Variants in DNER observed in about 807,000 individuals in gnomAD.
DNER encodes the protein delta and Notch-like epidermal growth factor-related receptor.
A neutral mutation model predicts 78.2 loss-of-function variants in DNER; 33 were observed. The ratio of observed to expected loss-of-function variants is 0.42; its 90% CI spans 0.32 to 0.56. The LOEUF (loss-of-function observed/expected upper bound fraction) is 0.56, where lower values mean the gene tolerates loss of function less well. DNER is among the 20% of genes least tolerant of loss of function. The probability of loss-of-function intolerance (pLI) is 0.11; values close to 1 mark genes in which losing one functional copy is unlikely to be tolerated. For synonymous variants in DNER, 417 were observed against 384.8 expected (o/e 1.08, Z -0.98); for missense variants, 918 against 975.3 (o/e 0.94, Z 0.78).
intron 1 of DNER, among the ~76,000 whole-genome samples, chr2:229,612,387 G>A (rs1259970166): frequency 6.6e-6 from 1 of 152,166 alleles, no homozygotes; most frequent in African/African-American, 2.4e-5. Flanking sequence ...ACTGTTAAAA[G>A]GACAAAACAT....
intron 4 of DNER, among the ~76,000 whole-genome samples, chr2:229,556,206 C>T (rs1277706961): frequency 1.3e-5 from 2 of 152,174 alleles, no homozygotes. Flanking sequence ...TTACTGAACT[C>T]GCGTCCACCA....
chr2:229,664,382 C>A (rs1392252283), intron 1 of DNER, among the ~76,000 whole-genome samples: 1 of 152,148 alleles, frequency 6.6e-6, no homozygotes, highest in Non-Finnish European at 1.5e-5. Context: ...GTGGCTCACA[C>A]CTGTAATCCC....
chr2:229,521,300 G>C (rs1024891531), intron 5 of DNER, among the ~76,000 whole-genome samples: 1 of 152,210 alleles, frequency 6.6e-6, no homozygotes, highest in Admixed American at 6.5e-5. Context: ...GGAAGACAGT[G>C]TGTCCTGGCC....
chr2:229,513,370 C>T (rs1204086945), intron 5 of DNER, among the ~76,000 whole-genome samples: 3 of 152,170 alleles, frequency 2.0e-5, no homozygotes, highest in Admixed American at 2.0e-4. Flanking sequence ...CAACCCAGAC[C>T]GTCCTTTCAG....
chr2:229,647,098 A>G (rs1045480217), intron 1 of DNER, among the ~76,000 whole-genome samples: 2 of 152,056 alleles, frequency 1.3e-5, no homozygotes, highest in African/African-American at 4.8e-5. Flanking sequence ...ACCCAGGAGG[A>G]GGAGGTTGCA....
intron 1 of DNER, among the ~76,000 whole-genome samples, chr2:229,622,113 A>G (rs1574932318): frequency 6.6e-6 from 1 of 152,306 alleles, no homozygotes; most frequent in Non-Finnish European, 1.5e-5. Context: ...AACAAAAAAA[A>G]GAAATTGCAT....
chr2:229,362,299 G>A (rs1444401857), intron 12 of DNER, among the ~76,000 whole-genome samples: 2 of 152,162 alleles, frequency 1.3e-5, no homozygotes, highest in Admixed American at 6.5e-5. Context: ...CAGACACTTA[G>A]GAATAATTTT....
chr2:229,382,855 C>T (rs1166264753), intron 11 of DNER, among the ~76,000 whole-genome samples: 2 of 152,062 alleles, frequency 1.3e-5, no homozygotes, highest in African/African-American at 4.8e-5. Flanking sequence ...GGATATTATC[C>T]GGGAGAACTT....
intron 6 of DNER, among the ~76,000 whole-genome samples, 159 bp from the exon 7 acceptor site, chr2:229,477,412 G>A (rs896344656): frequency 2.6e-5 from 4 of 152,128 alleles, no homozygotes; most frequent in African/African-American, 9.7e-5. Context: ...ACAAACTATG[G>A]TAGTTTAGAA....
At chr2:229,547,128 G>A (rs372481213) in intron 4 of DNER, 36 bp from the exon 5 acceptor site, 4 of 1,611,148 alleles carry the variant, frequency 2.5e-6, no homozygotes, top group Non-Finnish European at 3.4e-6. Context: ...ATTGTCAAGT[G>A]TCTCCTCTTT....
rs184764108 is a variant in DNER at position 229,535,781 on chromosome 2, T to A, written c.993+11166A>T. Among the ~76,000 whole-genome samples the A allele has an allele frequency of 3.8e-3, 582 of 152,224 alleles. 6 individuals carry two copies. The highest frequency in any genetic ancestry group is 0.013 in the African/African-American group (546 of 41,536). ...GCCTCAGCCTCCCTAGTAGCTGGGA[T>A]TACAGGTGTGCACCACCATATCCAG... On this transcript the variant is annotated intron_variant, in intron 5 of 12. Coordinates refer to ENST00000341772, the MANE Select transcript of DNER (RefSeq NM_139072.4).
chr2:229,669,369 C>CATATATATATATATATATATATAT lies in DNER; in HGVS notation c.276+44778_276+44779insATATATATATATATATATATATAT, dbSNP rs58371383. 1.1e-3 allele frequency among the ~76,000 whole-genome samples: 160 copies of CATATATATATATATATATATATAT among 144,706 alleles called. 1 individual carries two copies. The highest frequency in any genetic ancestry group is 4.6e-3 in the Admixed American group (66 of 14,334). The allele number at this position is 144,706 out of a possible 152,430, so 94.9% of individuals were successfully genotyped here. A position where few individuals can be genotyped will look rare whatever the true frequency, so the allele number is the denominator to read the frequency against. On this transcript the variant is annotated intron_variant, in intron 1 of 12. Coordinates refer to ENST00000341772, the MANE Select transcript of DNER (RefSeq NM_139072.4). ...ATCCCAGAACTTTTATGTATACATA[C>CATATATATATATATATATATATAT]ATATATATATATATATATAAAAGAA...
intron 7 of DNER, 86 bp from the exon 8 acceptor site, chr2:229,447,626 G>A: frequency 1.5e-6 from 2 of 1,340,146 alleles, no homozygotes; most frequent in Non-Finnish European, 2.1e-6. Flanking sequence ...CACTGTATAT[G>A]CATAACAATT....
chr2:229,605,048 G>T (rs1697907983), intron 1 of DNER, among the ~76,000 whole-genome samples: 1 of 152,080 alleles, frequency 6.6e-6, no homozygotes, highest in Admixed American at 6.5e-5. Flanking sequence ...AAAGGCCAGG[G>T]TTGTTTTATT....
At chr2:229,400,618 G>A (rs2106341299) in intron 10 of DNER, among the ~76,000 whole-genome samples, 1 of 152,116 alleles carries the variant, frequency 6.6e-6, no homozygotes, top group African/African-American at 2.4e-5. Context: ...CCAACTGAAA[G>A]AACTCCCAAT....
intron 4 of DNER, among the ~76,000 whole-genome samples, chr2:229,580,505 A>T (rs1215025211): frequency 6.6e-6 from 1 of 152,224 alleles, no homozygotes; most frequent in African/African-American, 2.4e-5. Context: ...AAGGGATTGA[A>T]AAAATAGTAG....
At chr2:229,564,559 CCAT>C (rs779227839) in intron 4 of DNER, among the ~76,000 whole-genome samples, 16 of 147,768 alleles carry the variant, frequency 1.1e-4, no homozygotes, top group South Asian at 6.6e-4. Flanking sequence ...CACCCCATTA[CCAT>C]CATCATCAAC....
intron 1 of DNER, among the ~76,000 whole-genome samples, chr2:229,703,218 A>G (rs1043273712): frequency 6.6e-6 from 1 of 152,216 alleles, no homozygotes; most frequent in Non-Finnish European, 1.5e-5. Flanking sequence ...GTAATAAAAT[A>G]AAGAGTCCAG....
intron 1 of DNER, among the ~76,000 whole-genome samples, chr2:229,635,812 A>G (rs1306383200): frequency 6.6e-6 from 1 of 152,212 alleles, no homozygotes; most frequent in African/African-American, 2.4e-5. Flanking sequence ...ACTGGTAACA[A>G]AAGCAAAACA....
Sources: gnomAD v4.1 joint callset for allele counts (sites outside exome capture counted in the v4.1 genomes callset) on GRCh38, gnomAD v4.1.1 for gene constraint, MANE v1.5 for transcripts, NCBI Gene and HGNC (gene_info 2026-07-23, HGNC 2026-07-21) for gene names.